Variants in PLSCR1 observed in about 807,000 individuals in gnomAD.
PLSCR1 encodes the protein phospholipid scramblase 1.
PLSCR1 carries 17 observed loss-of-function variants against 37.8 expected under a neutral mutation model. That is an observed-to-expected ratio of 0.45 (90% CI 0.31 to 0.68). The LOEUF is 0.68. PLSCR1 is among the 30% of genes least tolerant of loss of function. PLSCR1 has a pLI of 0.06. For synonymous variants in PLSCR1, 116 were observed against 125.9 expected, an observed-to-expected ratio of 0.92 and a Z score of 0.53; for missense variants, 347 against 380.9, an observed-to-expected ratio of 0.91 and a Z score of 0.74.
intron 5 of PLSCR1, among the ~76,000 whole-genome samples, chr3:146,523,910 C>G (rs2044068787): frequency 6.6e-6 from 1 of 152,112 alleles, no homozygotes; most frequent in Non-Finnish European, 1.5e-5. Flanking sequence ...AGAAGCCTGG[C>G]TAAAATAATG....
rs115297010 is a variant in PLSCR1 at position 146,539,341 on chromosome 3, G to A, written c.-13-2776C>T. 5.8e-4 allele frequency among the ~76,000 whole-genome samples: 89 copies of A among 152,274 alleles called. 1 individual carries two copies. The highest frequency in any genetic ancestry group is 6.5e-4 in the Non-Finnish European group (44 of 68,026). On this transcript the variant is annotated intron_variant, in intron 1 of 8. Transcript: ENST00000342435. ...AGGTGGTAATGTATGTGAGCGATGG[G>A]GAGCAGCTGTCAATACAGATGAAAC... is the stretch of plus-strand genomic sequence containing the variant.
In PLSCR1 at chr3:146,521,836, C is replaced by T. The variant is rs1458121865; in HGVS notation, c.573G>A (p.Gln191=). ...GCCCTGGTAATTGATCACAGACCTC[C>T]TGAAGGCAGCAGGGACAACAACAGC... The part of the protein sequence containing the change: ...CSSCCCPCCL[Q]EIEIQAPPGV... Residue 191 remains glutamine, a synonymous_variant, in exon 6 of 9, where the codon CAG becomes CAA. Coordinates refer to ENST00000342435, the MANE Select transcript of PLSCR1 (RefSeq NM_021105.3). 8 of 1,611,666 alleles carry T rather than the reference C, an allele frequency of 5.0e-6. No homozygotes were observed. Among genetic ancestry groups the T allele is most frequent in the Non-Finnish European group, 6.8e-6 (8 of 1,177,926 alleles).
intron 4 of PLSCR1, among the ~76,000 whole-genome samples, chr3:146,527,517 G>C (rs972722634): frequency 6.6e-6 from 1 of 152,110 alleles, no homozygotes; most frequent in Non-Finnish European, 1.5e-5. Context: ...TTCTAGAATA[G>C]GCTGAAGAAA....
chr3:146,530,281 A>C (rs2044178281), intron 3 of PLSCR1, among the ~76,000 whole-genome samples: 1 of 152,250 alleles, frequency 6.6e-6, no homozygotes, highest in African/African-American at 2.4e-5. Context: ...CCCTTCAAAA[A>C]TAAGGCTTAG....
At position 146,527,316 on chromosome 3, in the gene PLSCR1, ATAGC is replaced by A. The variant is rs1368611923; in HGVS notation, c.312+1294_312+1297del. On this transcript the variant is annotated intron_variant, in intron 4 of 8. Transcript: ENST00000342435. ...ACAATAATTTATTGTATATTTTCAA[ATAGC>A]TAGAAGAGAGGATTTGGAATGTTCT... 5.3e-5 allele frequency among the ~76,000 whole-genome samples: 8 copies of A among 152,350 alleles called. No homozygotes were observed. The East Asian group carries it at 1.5e-3, about 29-fold the overall frequency.
At chr3:146,540,410 C>T (rs979564778) in intron 1 of PLSCR1, among the ~76,000 whole-genome samples, 3 of 152,138 alleles carry the variant, frequency 2.0e-5, no homozygotes, top group African/African-American at 7.2e-5. Context: ...AAGAGGAAGA[C>T]ACAGCACAGG....
chr3:146,535,248 A>AAC lies in PLSCR1; in HGVS notation c.13+1290_13+1291dup, dbSNP rs140749399. ...ACATTGTTTGAATACTATAACATAG[A>AAC]ACACACACACACACACATATACAGG... On this transcript the variant is annotated intron_variant, in intron 2 of 8. Coordinates refer to ENST00000342435, the MANE Select transcript of PLSCR1 (RefSeq NM_021105.3). 8.4e-3 allele frequency among the ~76,000 whole-genome samples: 1,268 copies of AAC among 151,452 alleles called. 13 individuals are homozygous for AAC. Among genetic ancestry groups the AAC allele is most frequent in the East Asian group, 0.028 (142 of 5,156 alleles).
At chr3:146,516,790 C>A (rs1413370718) in intron 8 of PLSCR1, 1 of 401,810 alleles carries the variant, frequency 2.5e-6, no homozygotes, top group African/African-American at 2.1e-5. Flanking sequence ...CCCCTCTTGC[C>A]ATGTGAATAT....
rs1485020704 is a variant in PLSCR1 at position 146,528,665 on chromosome 3, T to C, written c.261A>G (p.Pro87=). 1 of 1,614,206 alleles carries C rather than the reference T, an allele frequency of 6.2e-7. No homozygotes were observed. Among genetic ancestry groups the C allele is most frequent in the Non-Finnish European group, 8.5e-7 (1 of 1,180,012 alleles). The stretch of plus-strand genomic sequence containing the variant: ...GACAGTTTAATGGAGGCTGTGGCGC[T>C]GGCATCCATGGTACCCCTGCAGCTC... ...PVGAAGVPWM[P]APQPPLNCPP... is the part of the protein sequence containing the mutation. The change falls in exon 4 of 9, where the codon CCA becomes CCG. Residue 87 remains proline, a synonymous_variant. Coordinates refer to ENST00000342435, the MANE Select transcript of PLSCR1 (RefSeq NM_021105.3).
chr3:146,528,641 A>G lies in PLSCR1; in HGVS notation c.285T>C (p.Cys95=), dbSNP rs2044152058. 1.2e-6 allele frequency: 2 copies of G among 1,613,826 alleles called. No individual in the cohort carries two copies. Among genetic ancestry groups the G allele is most frequent in the Non-Finnish European group, 1.7e-6 (2 of 1,179,804 alleles). Residue 95 remains cysteine (C), a synonymous_variant, in exon 4 of 9, where the codon TGT becomes TGC. Transcript: ENST00000342435. ...WMPAPQPPLN[C]PPGLEYLSQI... The stretch of plus-strand genomic sequence containing the variant: ...GACTTAAATATTCTAATCCAGGTGG[A>G]CAGTTTAATGGAGGCTGTGGCGCTG...
At position 146,525,657 on chromosome 3, in the gene PLSCR1, G is replaced by GAA; in HGVS notation, c.313-12_313-11dup. Reference sequence around the variant, plus strand: ...TCAGTATCTGATCTATCTATAGCAGGAAAAAAAATAAGTGGTATGTATATG... The same window carrying GAA: ...TCAGTATCTGATCTATCTATAGCAGGAAAAAAAAAATAAGTGGTATGTATATG... On this transcript the variant is annotated splice_polypyrimidine_tract_variant and intron_variant, in intron 4 of 8. Coordinates refer to ENST00000342435, the MANE Select transcript of PLSCR1 (RefSeq NM_021105.3). 7.0e-7 allele frequency: 1 copy of GAA among 1,419,258 alleles called. No homozygotes were observed. Among genetic ancestry groups the GAA allele is most frequent in the Non-Finnish European group, 9.8e-7 (1 of 1,020,708 alleles). The allele number at this position is 1,419,258 out of a possible 1,614,324, so 87.9% of individuals were successfully genotyped here.
At chr3:146,533,771 A>G (rs2044230827) in intron 2 of PLSCR1, among the ~76,000 whole-genome samples, 1 of 152,206 alleles carries the variant, frequency 6.6e-6, no homozygotes, top group South Asian at 2.1e-4. Flanking sequence ...AAAATGAGAC[A>G]GTTAAGTTAC....
At position 146,544,234 on chromosome 3, in the gene PLSCR1, G is replaced by A. The variant is rs2609858; in HGVS notation, c.-14+233C>T. Among the ~76,000 whole-genome samples, 33,130 of 152,126 alleles carry A rather than the reference G, an allele frequency of 0.22. 3,859 individuals carry two copies. The highest frequency in any genetic ancestry group is 0.31 in the African/African-American group (12,799 of 41,480). On this transcript the variant is annotated intron_variant, in intron 1 of 8. Transcript: ENST00000342435. ...GCCGCTGGGCCGCCTGGGGCCCCTT[G>A]CCGTGTACCTGCTCCACTTCCAGGG... is the stretch of plus-strand genomic sequence containing the variant.
intron 1 of PLSCR1, among the ~76,000 whole-genome samples, chr3:146,537,607 C>T (rs2108666739): frequency 6.6e-6 from 1 of 152,234 alleles, no homozygotes; most frequent in East Asian, 1.9e-4. Context: ...GGGATGGTGG[C>T]TTATGCCTAT....
At chr3:146,525,322 T>A (rs1166844776) in intron 5 of PLSCR1, among the ~76,000 whole-genome samples, 1 of 152,144 alleles carries the variant, frequency 6.6e-6, no homozygotes, top group African/African-American at 2.4e-5. Flanking sequence ...GTGGTAGAAG[T>A]CAGAAAAAAA....
Position 146,515,985 on chromosome 3 carries a change from T to G in PLSCR1, c.*60A>C, listed in dbSNP as rs2043940565. ...CAGCTTAATTCATACAGGTATGAGT[T>G]TAGATAGTCTCAATCAATATACAGA... On this transcript the variant is annotated 3_prime_UTR_variant, in exon 9 of 9. Transcript: ENST00000342435. The G allele has an allele frequency of 9.5e-7, 1 of 1,051,606 alleles. No homozygotes were observed. Among genetic ancestry groups the G allele is most frequent in the Non-Finnish European group, 1.5e-6 (1 of 674,138 alleles). 65.1% of individuals were successfully genotyped at this position (1,051,606 alleles called of 1,614,324 possible). A position where few individuals can be genotyped will look rare whatever the true frequency, so the allele number is the denominator to read the frequency against.
In PLSCR1 at chr3:146,544,582, C is replaced by T. The variant is rs1576803427; in HGVS notation, c.-129G>A. ...CCGGGCACAGCTGCTGCGCAACCTT[C>T]TCAGAAGTCAGCCGGAAAAGGGTCT... On this transcript the variant is annotated 5_prime_UTR_variant, in exon 1 of 9. Coordinates refer to ENST00000342435, the MANE Select transcript of PLSCR1 (RefSeq NM_021105.3). 2 of 152,552 alleles carry T rather than the reference C, an allele frequency of 1.3e-5. No homozygotes were observed. The highest frequency in any genetic ancestry group is 1.3e-4 in the Admixed American group (2 of 15,302). The allele number at this position is 152,552 out of a possible 1,614,324, so 9.4% of individuals were successfully genotyped here.
chr3:146,519,428 G>A (rs1234861461), intron 7 of PLSCR1, among the ~76,000 whole-genome samples: 3 of 152,060 alleles, frequency 2.0e-5, no homozygotes, highest in African/African-American at 7.2e-5. Flanking sequence ...CATAGACAGA[G>A]CTGACTTGGT....
chr3:146,521,291 A>C (rs2108624682), intron 7 of PLSCR1, among the ~76,000 whole-genome samples: 1 of 152,304 alleles, frequency 6.6e-6, no homozygotes, highest in Non-Finnish European at 1.5e-5. Context: ...ACCACGTTTA[A>C]GTGAGGGATG....
Sources: gnomAD v4.1 joint callset for allele counts (sites outside exome capture counted in the v4.1 genomes callset) on GRCh38, gnomAD v4.1.1 for gene constraint, MANE v1.5 for transcripts, NCBI Gene and HGNC (gene_info 2026-07-23, HGNC 2026-07-21) for gene names.